The following CRHR2 variants were observed in gnomAD, a reference collection of about 807,000 sequenced individuals.
CRHR2 encodes the protein corticotropin releasing hormone receptor 2, also known as corticotropin-releasing hormone receptor 2.
In CRHR2, 53 loss-of-function variants were observed where a neutral mutation model predicts 57.9. That is an observed-to-expected ratio of 0.92 (90% CI 0.73 to 1.15). The LOEUF (loss-of-function observed/expected upper bound fraction) is 1.15, where lower values mean the gene tolerates loss of function less well. CRHR2 is among the 50% of genes most tolerant of loss of function. The pLI is 0.00. For missense variants in CRHR2, 532 were observed against 542.6 expected (o/e 0.98, Z 0.19); for synonymous variants, 213 against 220.9 (o/e 0.96, Z 0.32).
chr7:30,665,525 C>T lies in CRHR2; in HGVS notation c.425+5G>A, dbSNP rs752230835. On this transcript the variant is annotated splice_donor_5th_base_variant and intron_variant, in intron 4 of 11. Coordinates refer to ENST00000471646, the MANE Select transcript of CRHR2 (RefSeq NM_001883.5). This position sits in a 1 kb window ranked among gnomAD's most constrained non-coding sequence, Gnocchi z 4.5. ...GGAGAAAGCAAGGCGGAAGGGCAGA[C>T]TCACCGCAGGGCCAGGAAAAGCAGG... 6.4e-7 allele frequency: 1 copy of T among 1,555,086 alleles called. No homozygotes were observed. Among genetic ancestry groups the T allele is most frequent in the Admixed American group, 1.9e-5 (1 of 51,624 alleles).
At chr7:30,667,118 G>T in intron 3 of CRHR2, 110 bp downstream of exon 3, 2 of 915,212 alleles carry the variant, frequency 2.2e-6, no homozygotes, top group Non-Finnish European at 3.5e-6. Flanking sequence ...ACAGAAGGGA[G>T]TGACTGGGTG....
chr7:30,662,287 G>A, intron 6 of CRHR2, 71 bp from the exon 7 acceptor site: 5 of 1,545,416 alleles, frequency 3.2e-6, no homozygotes, highest in Non-Finnish European at 4.5e-6. Flanking sequence ...ATACCGTGGG[G>A]TACCACAACA....
upstream of CRHR2, chr7:30,682,534 C>T (rs1784759828): frequency 1.6e-6 from 2 of 1,237,026 alleles, no homozygotes; most frequent in Non-Finnish European, 2.0e-6. Context: ...ATGGCTGCGC[C>T]GGGGGGCGGG....
At chr7:30,654,839 A>C in intron 11 of CRHR2, 200 bp downstream of exon 11, 1 of 1,543,786 alleles carries the variant, frequency 6.5e-7, no homozygotes, top group East Asian at 2.4e-5. Context: ...CTGGCATGTT[A>C]TTTCGGGGCT....
chr7:30,697,152 C>T (rs116119648), intron 1 of CRHR2, among the ~76,000 whole-genome samples: 3,237 of 152,234 alleles, frequency 0.021, 100 homozygotes, highest in African/African-American at 0.071. Flanking sequence ...TGGTGTGAGC[C>T]GGACAGGTCA....
chr7:30,658,622 G>C (rs754242841), intron 8 of CRHR2, among the ~76,000 whole-genome samples: 3 of 152,200 alleles, frequency 2.0e-5, no homozygotes, highest in Non-Finnish European at 4.4e-5. Context: ...TGGGTAAGTT[G>C]CTTAACCTCA....
exon 1 of CRHR2, chr7:30,699,969 C>G: frequency 6.7e-7 from 1 of 1,490,526 alleles, no homozygotes. Context: ...TGGGAGGAGG[C>G]AGAGCAGGCA....
At chr7:30,654,814 T>A (rs1410965648) in intron 11 of CRHR2, 1 of 1,539,514 alleles carries the variant, frequency 6.5e-7, no homozygotes, top group East Asian at 2.4e-5. Flanking sequence ...CAGCTCTGAG[T>A]GCACATGTGG....
chr7:30,662,647 G>A (rs2128141819), intron 6 of CRHR2, 47 bp downstream of exon 6: 2 of 1,592,860 alleles, frequency 1.3e-6, no homozygotes, highest in Non-Finnish European at 1.7e-6. Flanking sequence ...ATGGCCTGGT[G>A]AGAAGTCCTC....
At chr7:30,678,782 C>T (rs190101227) in intron 2 of CRHR2, among the ~76,000 whole-genome samples, 1 of 152,322 alleles carries the variant, frequency 6.6e-6, no homozygotes, top group Admixed American at 6.5e-5. Context: ...CTTGCCATCT[C>T]TCACCATATC....
At chr7:30,670,104 T>C (rs1368463213) in intron 2 of CRHR2, among the ~76,000 whole-genome samples, 1 of 152,120 alleles carries the variant, frequency 6.6e-6, no homozygotes. Context: ...CAATAACACA[T>C]ACATTTTATG....
chr7:30,667,422 G>A, intron 2 of CRHR2, 109 bp from the exon 3 acceptor site: 1 of 787,596 alleles, frequency 1.3e-6, no homozygotes, highest in South Asian at 1.6e-5. Flanking sequence ...CTCTCCTAGG[G>A]CAGCAAATAC....
intron 1 of CRHR2, among the ~76,000 whole-genome samples, chr7:30,696,288 T>C (rs1309111606): frequency 6.6e-6 from 1 of 152,244 alleles, no homozygotes; most frequent in Non-Finnish European, 1.5e-5. Context: ...TTAGATTGTC[T>C]GTAACACAAA....
intron 2 of CRHR2, among the ~76,000 whole-genome samples, chr7:30,677,484 A>G (rs567458394): frequency 5.9e-5 from 9 of 152,306 alleles, no homozygotes; most frequent in South Asian, 4.1e-4. Context: ...AAGGGATGAG[A>G]CTTGCCCCAA....
chr7:30,691,391 C>T (rs1436169915), intron 1 of CRHR2, among the ~76,000 whole-genome samples: 1 of 152,212 alleles, frequency 6.6e-6, no homozygotes, highest in African/African-American at 2.4e-5. Flanking sequence ...CTCAAAGCCC[C>T]TGAGCTGTGA....
Position 30,656,277 on chromosome 7 carries a change from G to A in CRHR2, c.832-265C>T, listed in dbSNP as rs969093795. On this transcript the variant is annotated intron_variant, in intron 8 of 11. Transcript: ENST00000471646. This position sits in a 1 kb window ranked among gnomAD's most constrained non-coding sequence, Gnocchi z 4.4. The stretch of plus-strand genomic sequence containing the variant: ...GTGGCAGCCTCTGTGGGTCGTGACC[G>A]AGAGCACGGGGCATGCCCTCTGAGG... Among the ~76,000 whole-genome samples the A allele has an allele frequency of 6.6e-6, 1 of 152,160 alleles. No individual in the cohort carries two copies. The highest frequency in any genetic ancestry group is 1.5e-5 in the Non-Finnish European group (1 of 68,016).
chr7:30,682,192 G>A lies in CRHR2; in HGVS notation c.89C>T (p.Pro30Leu), dbSNP rs1406338393. 2 of 1,585,080 alleles carry A rather than the reference G, an allele frequency of 1.3e-6. No homozygotes were observed. Among genetic ancestry groups the A allele is most frequent in the African/African-American group, 2.7e-5 (2 of 73,666 alleles). The change falls in exon 1 of 12, where the codon CCC becomes CTC. Residue 30 changes from proline to leucine, a missense_variant. Physicochemically the swap from Pro to Leu is moderately conservative, Grantham distance 98. Transcript: ENST00000471646. ...CTCCCGCCTACCCTCGGGGTCCAGGGGTGGCCCCCAGCCGTCCAAGAGCAG... is the reference window on the plus strand; with the variant it reads ...CTCCCGCCTACCCTCGGGGTCCAGGAGTGGCCCCCAGCCGTCCAAGAGCAG... Reference protein sequence around the residue: ...EELLLDGWGPPLDPEGPYSYC... With the variant: ...EELLLDGWGPLLDPEGPYSYC...
At position 30,681,448 on chromosome 7, in the gene CRHR2, A is replaced by C. The variant is rs530400612; in HGVS notation, c.229+467T>G. Among the ~76,000 whole-genome samples, 16 of 151,150 alleles carry C rather than the reference A, an allele frequency of 1.1e-4. 1 individual carries two copies. The highest frequency in any genetic ancestry group is 1.9e-4 in the African/African-American group (8 of 41,086). On this transcript the variant is annotated intron_variant, in intron 2 of 11. Transcript: ENST00000471646. ...GCTCGCCCCAGCCCTCCTGCCTCCT[A>C]CCCTCCTCCTCCCCTCTGGTAGTAG...
chr7:30,669,335 T>C (rs1458581508), intron 2 of CRHR2, among the ~76,000 whole-genome samples: 2 of 152,134 alleles, frequency 1.3e-5, no homozygotes, highest in African/African-American at 4.8e-5. Flanking sequence ...CCTTGCCCCA[T>C]GACCAGCCTG....
Sources: allele counts gnomAD v4.1 joint callset (sites outside exome capture counted in the v4.1 genomes callset), GRCh38; gene constraint gnomAD v4.1.1; non-coding constraint Gnocchi (gnomAD v3.1); transcripts MANE v1.5; gene names NCBI Gene and HGNC (gene_info 2026-07-23, HGNC 2026-07-21).